The following MOK variants were observed in gnomAD, a reference collection of about 807,000 sequenced individuals.
MOK encodes MOK protein kinase, also known as MAPK/MAK/MRK overlapping kinase.
Under a neutral mutation model 54.2 loss-of-function variants are expected in MOK, and 59 were observed. The ratio of observed to expected loss-of-function variants is 1.09; its 90% CI spans 0.88 to 1.35. MOK has a LOEUF of 1.35. Ranked by LOEUF, MOK falls within the 40% of genes most tolerant of loss-of-function variation. The pLI is 0.00. For synonymous variants in MOK, 210 were observed against 202.7 expected (o/e 1.04, Z -0.31); for missense variants, 517 against 526.2 (o/e 0.98, Z 0.17).
chr14:102,243,241 GA>G (rs1322852194), intron 7 of MOK, among the ~76,000 whole-genome samples: 1 of 152,032 alleles, frequency 6.6e-6, no homozygotes, highest in Non-Finnish European at 1.5e-5. Flanking sequence ...AAACCTAGCT[GA>G]CCACATAGAT....
chr14:102,264,308 T>C (rs2067722186), intron 3 of MOK: 1 of 151,996 alleles, frequency 6.6e-6, no homozygotes, highest in Non-Finnish European at 1.5e-5. Flanking sequence ...TTCCATGTAA[T>C]TGGGATAAAT....
rs772973442 is a variant in MOK at position 102,251,535 on chromosome 14, G to A, written c.411+221C>T. 5 of 627,584 alleles carry A rather than the reference G, an allele frequency of 8.0e-6. No individual in the cohort carries two copies. The African/African-American group carries it at 9.0e-5, about 11-fold the overall frequency. 38.9% of individuals were successfully genotyped at this position (627,584 alleles called of 1,614,324 possible). ...TCATTTTTGTCTGCGGTGTGAAAATGGTGCTTTCAATTATTTTCTTCCAGG... is the reference window on the plus strand; with the variant it reads ...TCATTTTTGTCTGCGGTGTGAAAATAGTGCTTTCAATTATTTTCTTCCAGG... On this transcript the variant is annotated intron_variant, in intron 6 of 11. Transcript: ENST00000361847.
rs192085853 is a variant in MOK at position 102,286,373 on chromosome 14, G to A, written c.8-2781C>T. Among the ~76,000 whole-genome samples, 59 of 148,054 alleles carry A rather than the reference G, an allele frequency of 4.0e-4. 1 individual carries two copies. Among genetic ancestry groups the A allele is most frequent in the Admixed American group, 2.3e-3 (34 of 14,794 alleles). On this transcript the variant is annotated intron_variant, in intron 1 of 11. Transcript: ENST00000361847. ...GCAGTGGCTCACGCCTGTAATCCCA[G>A]CACTTTGGGAGGCCAAGGTGAGGAT...
chr14:102,216,791 G>T, the MOK span, among the ~76,000 whole-genome samples: 1 of 152,264 alleles, frequency 6.6e-6, no homozygotes, highest in South Asian at 2.1e-4. Context: ...TTAGCCGGGC[G>T]TGGTGGCGGG....
At chr14:102,285,228 C>A (rs1028841548) in intron 1 of MOK, among the ~76,000 whole-genome samples, 5 of 152,054 alleles carry the variant, frequency 3.3e-5, no homozygotes, top group African/African-American at 1.2e-4. Flanking sequence ...GTAAAAGAGG[C>A]CTTCACTTCA....
chr14:102,302,572 C>T (rs1482792783), intron 1 of MOK, among the ~76,000 whole-genome samples: 6 of 151,638 alleles, frequency 4.0e-5, no homozygotes, highest in African/African-American at 1.5e-4. Context: ...CCCACCACCA[C>T]GCCTGGCTAA....
Position 102,240,582 on chromosome 14 carries a change from G to A in MOK, c.591-6793C>T, listed in dbSNP as rs2065634143. Reference sequence around the variant, plus strand: ...GAGACGAAGGAGACACATTTTATCTGTGGACTCAAAACTCCAGCACCAGTC... The same window carrying A: ...GAGACGAAGGAGACACATTTTATCTATGGACTCAAAACTCCAGCACCAGTC... On this transcript the variant is annotated intron_variant, in intron 7 of 11. Transcript: ENST00000361847. The surrounding 1 kb of genome is among the most constrained non-coding windows in gnomAD (Gnocchi z 5.4). 1 of 152,072 alleles carries A rather than the reference G, an allele frequency of 6.6e-6. No individual in the cohort carries two copies. The highest frequency in any genetic ancestry group is 1.5e-5 in the Non-Finnish European group (1 of 68,162). The allele number at this position is 152,072 out of a possible 1,614,324, so 9.4% of individuals were successfully genotyped here.
chr14:102,231,658 C>G lies in MOK; in HGVS notation c.981+49G>C. 6.4e-7 allele frequency: 1 copy of G among 1,551,752 alleles called. No individual in the cohort carries two copies. Among genetic ancestry groups the G allele is most frequent in the Non-Finnish European group, 8.9e-7 (1 of 1,127,872 alleles). ...AGAGACACAGGCCACCCGAGGGCAT[C>G]CAGTCCCGGCTGAGCTAGGCAGTCT... On this transcript the variant is annotated intron_variant, in intron 10 of 11. Transcript: ENST00000361847. The surrounding 1 kb of genome is among the most constrained non-coding windows in gnomAD (Gnocchi z 4.4).
At chr14:102,258,465 G>A (rs1217891560) in intron 4 of MOK, among the ~76,000 whole-genome samples, 2 of 137,808 alleles carry the variant, frequency 1.5e-5, no homozygotes, top group Non-Finnish European at 3.0e-5. Flanking sequence ...CATTTTGACT[G>A]ATATTCTTGA....
downstream of MOK, among the ~76,000 whole-genome samples, chr14:102,220,378 G>C (rs1442182451): frequency 6.6e-6 from 1 of 152,242 alleles, no homozygotes; most frequent in South Asian, 2.1e-4. The surrounding 1 kb of genome is among the most constrained non-coding windows in gnomAD (Gnocchi z 4.2). Context: ...TACCAAAAAA[G>C]TCATTAGTAA....
chr14:102,292,304 T>C (rs994732409), intron 1 of MOK, among the ~76,000 whole-genome samples: 2 of 151,974 alleles, frequency 1.3e-5, no homozygotes, highest in Non-Finnish European at 2.9e-5. Flanking sequence ...AAACCCCATC[T>C]CTACTAAAAA....
chr14:102,267,627 AGAAGCCT>A (rs2068022079), intron 2 of MOK, among the ~76,000 whole-genome samples: 3 of 152,246 alleles, frequency 2.0e-5, no homozygotes, highest in Admixed American at 2.0e-4. Context: ...GCCAACAAAT[AGAAGCCT>A]GATATTTAAG....
At chr14:102,266,553 TTCTTA>T (rs2067928119) in intron 2 of MOK, among the ~76,000 whole-genome samples, 1 of 152,034 alleles carries the variant, frequency 6.6e-6, no homozygotes, top group African/African-American at 2.4e-5. Flanking sequence ...CCCGGCCTCT[TTCTTA>T]TCTTTAATGA....
chr14:102,292,538 C>G (rs911004024), intron 1 of MOK, among the ~76,000 whole-genome samples: 1 of 152,082 alleles, frequency 6.6e-6, no homozygotes, highest in East Asian at 1.9e-4. Context: ...GTGTGTAATA[C>G]CAAATACATG....
At chr14:102,253,017 G>A (rs1393118882) in intron 4 of MOK, among the ~76,000 whole-genome samples, 1 of 152,212 alleles carries the variant, frequency 6.6e-6, no homozygotes, top group Non-Finnish European at 1.5e-5. Context: ...AGCCCCGGGC[G>A]AGTCAGCTCT....
At position 102,245,263 on chromosome 14, in the gene MOK, G is replaced by A. The variant is rs2066004886; in HGVS notation, c.590+5549C>T. Among the ~76,000 whole-genome samples the A allele has an allele frequency of 1.3e-5, 2 of 151,666 alleles. No individual in the cohort carries two copies. Among genetic ancestry groups the A allele is most frequent in the Admixed American group, 6.6e-5 (1 of 15,244 alleles). ...AATCTCTCCCACTCCAGGTTCCCAC[G>A]CCACCCCTAATCCCACTCGAAGCAG... On this transcript the variant is annotated intron_variant, in intron 7 of 11. Transcript: ENST00000361847. The surrounding 1 kb of genome is among the most constrained non-coding windows in gnomAD (Gnocchi z 4.3).
downstream of MOK, among the ~76,000 whole-genome samples, chr14:102,220,355 C>G (rs1362084289): frequency 6.6e-6 from 1 of 152,222 alleles, no homozygotes; most frequent in Non-Finnish European, 1.5e-5. The surrounding 1 kb of genome is among the most constrained non-coding windows in gnomAD (Gnocchi z 4.2). Context: ...CACAGCACAC[C>G]TCAAAGGCTT....
chr14:102,217,772 G>GT, the MOK span, among the ~76,000 whole-genome samples: 1 of 152,262 alleles, frequency 6.6e-6, no homozygotes, highest in Non-Finnish European at 1.5e-5. Context: ...CACGTGAGCA[G>GT]TTAAGGAGTG....
chr14:102,215,180 C>T, the MOK span, among the ~76,000 whole-genome samples: 1 of 152,220 alleles, frequency 6.6e-6, no homozygotes, highest in Admixed American at 6.5e-5. Context: ...TAGTTGGCAG[C>T]GTACTCGATG....
Sources: gnomAD v4.1 joint callset for allele counts (sites outside exome capture counted in the v4.1 genomes callset) on GRCh38, gnomAD v4.1.1 for gene constraint, Gnocchi (gnomAD v3.1) non-coding constraint, MANE v1.5 for transcripts, NCBI Gene and HGNC (gene_info 2026-07-23, HGNC 2026-07-21) for gene names.